RNF180: variants seen among roughly 807,000 people sequenced by gnomAD.
The protein encoded by RNF180 is E3 ubiquitin-protein ligase RNF180.
RNF180 carries 38 observed loss-of-function variants against 59.2 expected under a neutral mutation model. That is an observed-to-expected ratio of 0.64 (90% confidence interval 0.50 to 0.84). RNF180 has a LOEUF of 0.84. Among genes scored for constraint, RNF180 ranks in the 40% least tolerant of loss-of-function variants. The pLI is 0.00. For missense variants in RNF180, 705 were observed against 700.9 expected (o/e 1.01, Z -0.07); for synonymous variants, 262 against 240.3 (o/e 1.09, Z -0.84).
chr5:64,264,290 T>C (rs1419801366), intron 5 of RNF180, among the ~76,000 whole-genome samples: 2 of 152,170 alleles, frequency 1.3e-5, no homozygotes, highest in Admixed American at 1.3e-4. Flanking sequence ...GGTATACATA[T>C]GCCATGGTGG....
intron 5 of RNF180, among the ~76,000 whole-genome samples, chr5:64,291,488 G>T (rs553776079): frequency 7.2e-6 from 1 of 138,770 alleles, no homozygotes; most frequent in Non-Finnish European, 1.5e-5. Context: ...GCAGTGGTGC[G>T]ATCTTGGCTC....
Position 64,340,500 on chromosome 5 carries a change from T to C in RNF180, c.1579+10094T>C, listed in dbSNP as rs147863309. Among the ~76,000 whole-genome samples the C allele has an allele frequency of 8.5e-4, 130 of 152,286 alleles. No individual in the cohort carries two copies. In the East Asian group the frequency reaches 0.013, roughly 16 times the overall value. On this transcript the variant is annotated intron_variant, in intron 7 of 7. Transcript: ENST00000389100. ...CATGGAAAAGAATGATTATCTCTAA[T>C]AGAAAACAAAACAGTACATGCTCAC...
intron 5 of RNF180, among the ~76,000 whole-genome samples, chr5:64,294,009 T>C (rs1742744253): frequency 6.6e-6 from 1 of 152,230 alleles, no homozygotes; most frequent in Non-Finnish European, 1.5e-5. Flanking sequence ...TAGCTATGTA[T>C]GCGTGATGCA....
At chr5:64,224,102 T>TAC (rs1741523812) in intron 5 of RNF180, among the ~76,000 whole-genome samples, 1 of 151,174 alleles carries the variant, frequency 6.6e-6, no homozygotes, top group Non-Finnish European at 1.5e-5. Context: ...TGTGTGTGTG[T>TAC]GTACATACAT....
At chr5:64,258,813 G>A (rs1321921252) in intron 5 of RNF180, among the ~76,000 whole-genome samples, 7 of 152,082 alleles carry the variant, frequency 4.6e-5, no homozygotes, top group Admixed American at 4.6e-4. Context: ...AAGGAGAGTG[G>A]GTAATGTGAA....
intron 5 of RNF180, among the ~76,000 whole-genome samples, chr5:64,324,589 G>A (rs1744537311): frequency 6.6e-6 from 1 of 152,204 alleles, no homozygotes; most frequent in South Asian, 2.1e-4. Context: ...ATTTGGGAGG[G>A]GAGAGAGGCT....
chr5:64,330,339 C>T lies in RNF180; in HGVS notation c.1512C>T (p.Ser504=), dbSNP rs898592678. 4.4e-5 allele frequency: 68 copies of T among 1,541,318 alleles called. No homozygotes were observed. The highest frequency in any genetic ancestry group is 1.0e-4 in the Admixed American group (5 of 49,994). Residue 504 remains serine (S), a synonymous_variant, in exon 7 of 8, where the codon AGC becomes AGT. Coordinates refer to ENST00000389100, the MANE Select transcript of RNF180 (RefSeq NM_001113561.2). ...AAGAATATTTGAAAATAAAACAAAG[C>T]TTTCAGAAATCCAACTCTGCAAAAT... ...FTKEYLKIKQ[S]FQKSNSAKWP... is the part of the protein sequence containing the mutation.
At position 64,369,588 on chromosome 5, in the gene RNF180, G is replaced by T. The variant is rs370706060; in HGVS notation, c.1580-27G>T. The T allele has an allele frequency of 4.0e-5, 57 of 1,408,646 alleles. No individual in the cohort carries two copies. In the African/African-American group the frequency reaches 7.9e-4, roughly 20 times the overall value. 87.3% of individuals were successfully genotyped at this position (1,408,646 alleles called of 1,614,324 possible). On this transcript the variant is annotated intron_variant, in intron 7 of 7. Coordinates refer to ENST00000389100, the MANE Select transcript of RNF180 (RefSeq NM_001113561.2). The stretch of plus-strand genomic sequence containing the variant: ...CTGAGCACTAGCTTGAATTTAATGG[G>T]CTTTAATATGTTCATACATCTTCTA...
At chr5:64,179,239 G>A (rs1179097832) in intron 1 of RNF180, among the ~76,000 whole-genome samples, 4 of 151,970 alleles carry the variant, frequency 2.6e-5, no homozygotes, top group Non-Finnish European at 4.4e-5. Context: ...TCAAATTTAC[G>A]ATATAGAGAA....
intron 1 of RNF180, among the ~76,000 whole-genome samples, chr5:64,167,558 C>G (rs570314692): frequency 6.6e-6 from 1 of 151,982 alleles, no homozygotes; most frequent in Non-Finnish European, 1.5e-5. Context: ...GTCTGAGGAC[C>G]GACACCAGCC....
At chr5:64,206,351 A>G (rs1752015657) in intron 2 of RNF180, among the ~76,000 whole-genome samples, 1 of 152,226 alleles carries the variant, frequency 6.6e-6, no homozygotes, top group Non-Finnish European at 1.5e-5. Context: ...GAAGTATTTC[A>G]TCTGTATAAC....
intron 7 of RNF180, among the ~76,000 whole-genome samples, chr5:64,348,721 A>T (rs1745658796): frequency 6.6e-6 from 1 of 152,016 alleles, no homozygotes; most frequent in Non-Finnish European, 1.5e-5. Context: ...TGTTGGGATG[A>T]TATTTAAAAT....
intron 1 of RNF180, among the ~76,000 whole-genome samples, chr5:64,173,620 C>T (rs1213668851): frequency 6.6e-6 from 1 of 151,930 alleles, no homozygotes; most frequent in African/African-American, 2.4e-5. Context: ...TCTCTCCCTC[C>T]TCCTTTCCCT....
intron 2 of RNF180, among the ~76,000 whole-genome samples, chr5:64,204,779 G>A (rs968389767): frequency 1.3e-5 from 2 of 152,060 alleles, no homozygotes; most frequent in Admixed American, 1.3e-4. Flanking sequence ...ACCAAAGTTA[G>A]GCAAGTTTCC....
chr5:64,197,407 T>G (rs1233950029), intron 1 of RNF180, among the ~76,000 whole-genome samples: 1 of 152,202 alleles, frequency 6.6e-6, no homozygotes, highest in African/African-American at 2.4e-5. Context: ...CTTGGTAATA[T>G]TAAGATGTTG....
chr5:64,337,015 GT>G (rs1418835819), intron 7 of RNF180, among the ~76,000 whole-genome samples: 2 of 144,322 alleles, frequency 1.4e-5, no homozygotes, highest in Non-Finnish European at 3.0e-5. Context: ...TTTTTTTTTT[GT>G]TTTTGTTTTT....
intron 5 of RNF180, among the ~76,000 whole-genome samples, chr5:64,250,798 ATCT>A (rs1687275245): frequency 6.6e-6 from 1 of 152,140 alleles, no homozygotes; most frequent in Non-Finnish European, 1.5e-5. Context: ...CTAATACCAA[ATCT>A]TCTCAAACTG....
At chr5:64,313,443 T>C (rs1313717946) in intron 5 of RNF180, among the ~76,000 whole-genome samples, 1 of 152,162 alleles carries the variant, frequency 6.6e-6, no homozygotes, top group Non-Finnish European at 1.5e-5. Context: ...TTGCTTAGAA[T>C]AATGGCTTCC....
intron 1 of RNF180, among the ~76,000 whole-genome samples, chr5:64,188,897 C>T (rs905598214): frequency 6.6e-6 from 1 of 152,030 alleles, no homozygotes; most frequent in African/African-American, 2.4e-5. Flanking sequence ...GCCTTAACTC[C>T]CAATGTGACT....
Sources: allele counts gnomAD v4.1 joint callset (sites outside exome capture counted in the v4.1 genomes callset), GRCh38; gene constraint gnomAD v4.1.1; transcripts MANE v1.5; gene names NCBI Gene and HGNC (gene_info 2026-07-23, HGNC 2026-07-21).